CFAP61: variants seen among roughly 807,000 people sequenced by gnomAD.
The protein encoded by CFAP61 is cilia- and flagella-associated protein 61.
A neutral mutation model predicts 135.6 loss-of-function variants in CFAP61; 107 were observed. The ratio of observed to expected loss-of-function variants is 0.79; its 90% confidence interval spans 0.67 to 0.93. The LOEUF is 0.93. CFAP61 is among the 40% of genes least tolerant of loss of function. CFAP61 has a pLI of 0.00. For synonymous variants in CFAP61, 575 were observed against 578.5 expected, an observed-to-expected ratio of 0.99 and a Z score of 0.09; for missense variants, 1,507 against 1,556.2, an observed-to-expected ratio of 0.97 and a Z score of 0.53.
At chr20:20,065,616 G>A (rs1442624625) in intron 2 of CFAP61, among the ~76,000 whole-genome samples, 76 of 136,254 alleles carry the variant, frequency 5.6e-4, no homozygotes, top group African/African-American at 6.1e-4. Context: ...TAGACATTTT[G>A]AAAAAAAAAA....
chr20:20,253,556 C>A, intron 20 of CFAP61: 1 of 490,418 alleles, frequency 2.0e-6, no homozygotes, highest in Non-Finnish European at 4.1e-6. Flanking sequence ...TTCAGCATGA[C>A]TCTGCATTTT....
At chr20:20,239,902 A>G (rs1033228747) in intron 18 of CFAP61, among the ~76,000 whole-genome samples, 5 of 152,176 alleles carry the variant, frequency 3.3e-5, no homozygotes, top group African/African-American at 1.2e-4. Flanking sequence ...TGGTGAACTA[A>G]GGCAGTGTGT....
At chr20:20,134,452 G>T (rs1368630683) in intron 8 of CFAP61, among the ~76,000 whole-genome samples, 1 of 152,188 alleles carries the variant, frequency 6.6e-6, no homozygotes, top group African/African-American at 2.4e-5. Flanking sequence ...CCTTGCAAGA[G>T]AGTTTGGATT....
chr20:20,091,086 C>CGGGGTGGCCAGGG, intron 7 of CFAP61, 110 bp downstream of exon 7: 6 of 1,247,722 alleles, frequency 4.8e-6, no homozygotes, highest in Non-Finnish European at 4.6e-6. Context: ...TCTCCCTGGC[C>CGGGGTGGCCAGGG]ACCCCGGCCC....
chr20:20,081,815 C>T (rs566389992), intron 6 of CFAP61, among the ~76,000 whole-genome samples: 1 of 152,210 alleles, frequency 6.6e-6, no homozygotes, highest in African/African-American at 2.4e-5. Flanking sequence ...CTGAAAGAAG[C>T]AAAACACAAG....
intron 9 of CFAP61, among the ~76,000 whole-genome samples, chr20:20,157,921 A>G (rs1235465376): frequency 6.6e-6 from 1 of 152,230 alleles, no homozygotes; most frequent in African/African-American, 2.4e-5. Flanking sequence ...CTCAAAACAC[A>G]ATAATACAAA....
intron 25 of CFAP61, among the ~76,000 whole-genome samples, chr20:20,320,442 G>A (rs1272207071): frequency 2.8e-5 from 3 of 108,610 alleles, no homozygotes; most frequent in South Asian, 2.6e-4. Context: ...TATAATATAT[G>A]TAATATATAT....
intron 26 of CFAP61, among the ~76,000 whole-genome samples, chr20:20,345,461 T>A (rs2058593379): frequency 2.0e-5 from 3 of 152,206 alleles, no homozygotes; most frequent in Admixed American, 1.3e-4. Context: ...TTTCACCTTC[T>A]ACCTTGTCTT....
Position 20,171,950 on chromosome 20 carries a change from T to C in CFAP61, c.1385+2490T>C, listed in dbSNP as rs1002632186. On this transcript the variant is annotated intron_variant, in intron 13 of 26. Transcript: ENST00000245957. Reference sequence around the variant, plus strand: ...CCACAGGGAAGGGTGGAATGAGAAATGGAAGAGGGGAAGCACTTTCCTCTT... The same window carrying C: ...CCACAGGGAAGGGTGGAATGAGAAACGGAAGAGGGGAAGCACTTTCCTCTT... The C allele has an allele frequency of 2.1e-5, 10 of 486,914 alleles. No homozygotes were observed. In the Admixed American group the frequency reaches 3.7e-4, roughly 18 times the overall value. The allele number at this position is 486,914 out of a possible 1,614,324, so 30.2% of individuals were successfully genotyped here.
At chr20:20,328,895 G>A (rs2057866221) in intron 25 of CFAP61, among the ~76,000 whole-genome samples, 1 of 152,124 alleles carries the variant, frequency 6.6e-6, no homozygotes. Flanking sequence ...AAGCGTTGTC[G>A]GGGTGTGGAG....
chr20:20,126,814 C>T (rs1395303873), intron 8 of CFAP61, among the ~76,000 whole-genome samples: 1 of 151,834 alleles, frequency 6.6e-6, no homozygotes, highest in Non-Finnish European at 1.5e-5. Context: ...ATATGTTTTC[C>T]AAACTTTTAG....
chr20:20,138,476 G>C (rs1340369726), intron 8 of CFAP61, among the ~76,000 whole-genome samples: 9 of 150,842 alleles, frequency 6.0e-5, no homozygotes, highest in Non-Finnish European at 1.5e-5. Flanking sequence ...AGTTCTGCCT[G>C]GTGTTGACAG....
At chr20:20,085,516 C>T (rs764319634) in intron 6 of CFAP61, 17 of 1,366,346 alleles carry the variant, frequency 1.2e-5, no homozygotes, top group Non-Finnish European at 1.7e-5. Flanking sequence ...TTCTATTTTT[C>T]CCAGAAGAAT....
At chr20:20,146,774 T>G (rs1437845998) in intron 9 of CFAP61, among the ~76,000 whole-genome samples, 1 of 152,210 alleles carries the variant, frequency 6.6e-6, no homozygotes, top group Non-Finnish European at 1.5e-5. Flanking sequence ...CTTTTTAAGT[T>G]TCAATAGTTT....
intron 25 of CFAP61, among the ~76,000 whole-genome samples, chr20:20,309,370 A>G (rs1387039042): frequency 3.9e-5 from 6 of 152,162 alleles, no homozygotes; most frequent in African/African-American, 1.2e-4. Context: ...AATGAAAAGA[A>G]TTGAAGGGGA....
intron 21 of CFAP61, among the ~76,000 whole-genome samples, chr20:20,269,140 T>C (rs1482776751): frequency 0.15 from 12,487 of 85,806 alleles, 1,623 homozygotes; most frequent in African/African-American, 0.34. Flanking sequence ...TATATATATA[T>C]ATATATACAC....
intron 12 of CFAP61, among the ~76,000 whole-genome samples, chr20:20,167,325 T>A (rs934732128): frequency 6.6e-6 from 1 of 152,228 alleles, no homozygotes; most frequent in African/African-American, 2.4e-5. Flanking sequence ...TCATAATTTT[T>A]AAAAATTACT....
chr20:20,210,757 G>A lies in CFAP61; in HGVS notation c.1932+10855G>A, dbSNP rs2047574720. On this transcript the variant is annotated intron_variant, in intron 17 of 26. Coordinates refer to ENST00000245957, the MANE Select transcript of CFAP61 (RefSeq NM_015585.4). ...AGATGCATATAGAATAAAGTACAGT[G>A]TCATAAGCCTAACTTTCAGGCCTTT... Among the ~76,000 whole-genome samples the A allele has an allele frequency of 3.3e-5, 5 of 152,334 alleles. No homozygotes were observed. In the South Asian group the frequency reaches 1.0e-3, roughly 32 times the overall value.
rs2146797965 is a variant in CFAP61 at position 20,159,576 on chromosome 20, C to T, written c.1026+132C>T. On this transcript the variant is annotated intron_variant, in intron 10 of 26. Coordinates refer to ENST00000245957, the MANE Select transcript of CFAP61 (RefSeq NM_015585.4). ...GTCTCCACCAGTTCACACCTACCAC[C>T]TCCTTTAGGACTTGCTGCACCAAGC... 4.2e-6 allele frequency: 3 copies of T among 721,454 alleles called. No individual in the cohort carries two copies. In the East Asian group the frequency reaches 8.0e-5, roughly 19 times the overall value. The allele number at this position is 721,454 out of a possible 1,614,324, so 44.7% of individuals were successfully genotyped here.
Sources: allele counts gnomAD v4.1 joint callset (sites outside exome capture counted in the v4.1 genomes callset), GRCh38; gene constraint gnomAD v4.1.1; transcripts MANE v1.5; gene names NCBI Gene and HGNC (gene_info 2026-07-23, HGNC 2026-07-21).